BCORL1: variants seen among roughly 807,000 people sequenced by gnomAD.
The protein encoded by BCORL1 is BCL6 corepressor like 1.
BCORL1 carries 7 observed loss-of-function variants against 87.6 expected under a neutral mutation model. The ratio of observed to expected loss-of-function variants is 0.08; its 90% confidence interval spans 0.05 to 0.15. BCORL1 has a LOEUF of 0.15. Ranked by LOEUF, BCORL1 falls within the 10% of genes least tolerant of loss-of-function variation. The pLI is 1.00. For missense variants in BCORL1, 1,215 were observed against 1,499.7 expected, an observed-to-expected ratio of 0.81 and a Z score of 3.13; for synonymous variants, 591 against 634.4, an observed-to-expected ratio of 0.93 and a Z score of 1.03.
chrX:130,005,121 G>T, intron 1 of BCORL1, 67 bp from the exon 2 acceptor site: 2 of 605,360 alleles, frequency 3.3e-6, no homozygotes, highest in Non-Finnish European at 5.3e-6. Context: ...AAACATTGCT[G>T]TGTAAAAGGT....
At position 130,015,088 on chromosome X, in the gene BCORL1, G is replaced by A. The variant is rs963469317; in HGVS notation, c.2316G>A (p.Gln772=). 9 of 1,210,907 alleles carry A rather than the reference G, an allele frequency of 7.4e-6. No individual in the cohort carries two copies. The highest frequency in any genetic ancestry group is 8.9e-6 in the Non-Finnish European group (8 of 895,413). ...TGATCGKKGS[Q]AGAEGQPSTV... is the part of the protein sequence containing the mutation. The stretch of plus-strand genomic sequence containing the variant: ...CCACGTGTGGCAAAAAGGGCAGCCA[G>A]GCTGGTGCTGAGGGACAGCCAAGCA... The change falls in exon 4 of 14, where the codon CAG becomes CAA. Residue 772 remains glutamine, a synonymous_variant. Transcript: ENST00000540052.
At position 130,015,226 on chromosome X, in the gene BCORL1, A is replaced by G; in HGVS notation, c.2454A>G (p.Ser818=). 7 of 1,212,162 alleles carry G rather than the reference A, an allele frequency of 5.8e-6. No individual in the cohort carries two copies. Among genetic ancestry groups the G allele is most frequent in the Non-Finnish European group, 7.8e-6 (7 of 895,644 alleles). ...CGGCAAATATTTATCCCCGGTGTTC[A>G]GTCAATGGGAAACCTACCAGCACCC... is the stretch of plus-strand genomic sequence containing the variant. ...TGPANIYPRC[S]VNGKPTSTQV... The change falls in exon 4 of 14, where the codon TCA becomes TCG. Residue 818 remains serine (S), a synonymous_variant. Coordinates refer to ENST00000540052, the MANE Select transcript of BCORL1 (RefSeq NM_001379451.1).
intron 11 of BCORL1, among the ~76,000 whole-genome samples, chrX:130,040,679 A>G (rs1049046007): frequency 2.7e-5 from 3 of 112,471 alleles, no homozygotes; most frequent in East Asian, 2.8e-4. Flanking sequence ...GCCAGTGGTG[A>G]CTGTTGTTCC....
At position 130,043,784 on chromosome X, in the gene BCORL1, ATTTT is replaced by A. The variant is rs1163098654; in HGVS notation, c.4840+4520_4840+4523del. On this transcript the variant is annotated intron_variant, in intron 11 of 13. Coordinates refer to ENST00000540052, the MANE Select transcript of BCORL1 (RefSeq NM_001379451.1). ...TATATATATATATATATATATATATATTTTTTTTTTTTTTTTTTTTTGAGACGGA... is the reference window on the plus strand; with the variant it reads ...TATATATATATATATATATATATATATTTTTTTTTTTTTTTTTGAGACGGA... Among the ~76,000 whole-genome samples the A allele has an allele frequency of 3.4e-3, 54 of 15,952 alleles. 1 individual carries two copies. The highest frequency in any genetic ancestry group is 0.012 in the African/African-American group (26 of 2,108). The allele number at this position is 15,952 out of a possible 115,157, so 13.9% of individuals were successfully genotyped here.
At chrX:129,984,073 G>A (rs1203703922) in intron 1 of BCORL1, among the ~76,000 whole-genome samples, 10 of 95,342 alleles carry the variant, frequency 1.0e-4, no homozygotes, top group African/African-American at 3.8e-4. Context: ...AGGGCTTAGT[G>A]GTGGGCTTCG....
At chrX:130,023,111 C>G in intron 6 of BCORL1, 134 bp downstream of exon 6, 1 of 550,108 alleles carries the variant, frequency 1.8e-6, no homozygotes, top group South Asian at 2.8e-5. Context: ...ATGCCCAGCT[C>G]CTTGCAGAGA....
At chrX:129,987,593 C>G (rs1403980127) in intron 1 of BCORL1, among the ~76,000 whole-genome samples, 1 of 111,854 alleles carries the variant, frequency 8.9e-6, no homozygotes, top group Non-Finnish European at 1.9e-5. Context: ...CCAGTGTTTC[C>G]AGTCTGCAGG....
intron 13 of BCORL1, 73 bp downstream of exon 13, chrX:130,052,089 C>T (rs1377958373): frequency 8.7e-6 from 9 of 1,028,736 alleles, no homozygotes; most frequent in South Asian, 2.5e-5. Flanking sequence ...GAGTTCTCCA[C>T]GAGGAAGTGA....
chrX:130,013,728 C>T lies in BCORL1; in HGVS notation c.956C>T (p.Ala319Val), dbSNP rs1347215653. The T allele has an allele frequency of 1.7e-6, 2 of 1,201,418 alleles. No homozygotes were observed. The highest frequency in any genetic ancestry group is 2.2e-6 in the Non-Finnish European group (2 of 890,312). ...VSAPPLALIQ[A>V]PVPPSAPTLV... ...GCTCCTCCCTTGGCTCTCATCCAGG[C>T]TCCTGTGCCCCCTTCAGCTCCGACC... The change falls in exon 4 of 14, where the codon GCT becomes GTT. Residue 319 changes from alanine (A) to valine (V), a missense_variant. By Grantham distance (64) the Ala-to-Val change is moderately conservative. Around this residue, in one of 5 missense-constraint regions of BCORL1, gnomAD observed 861 missense variants for 1,010.0 expected, o/e 0.85. Coordinates refer to ENST00000540052, the MANE Select transcript of BCORL1 (RefSeq NM_001379451.1).
rs1238880793 is a variant in BCORL1 at position 129,989,293 on chromosome X, G to T, written c.-45+6531G>T. Among the ~76,000 whole-genome samples, 6 of 97,455 alleles carry T rather than the reference G, an allele frequency of 6.2e-5. No individual in the cohort carries two copies. In the East Asian group the frequency reaches 1.9e-3, roughly 31 times the overall value. The allele number at this position is 97,455 out of a possible 115,157, so 84.6% of individuals were successfully genotyped here. A position where few individuals can be genotyped will look rare whatever the true frequency, so the allele number is the denominator to read the frequency against. ...TGGGACTACAGGCGCCCGCCACCAT[G>T]CCCGGCTAATTTTTTTTTTTTTTTT... On this transcript the variant is annotated intron_variant, in intron 1 of 13. Transcript: ENST00000540052.
chrX:129,980,321 G>A (rs1349609801), upstream of BCORL1, among the ~76,000 whole-genome samples: 2 of 111,921 alleles, frequency 1.8e-5, no homozygotes. Flanking sequence ...CCCTCCTCCC[G>A]CTTCGCCCGC....
At chrX:130,036,300 A>G (rs1395849851) in intron 9 of BCORL1, among the ~76,000 whole-genome samples, 9 of 106,858 alleles carry the variant, frequency 8.4e-5, no homozygotes, top group Non-Finnish European at 1.7e-4. Flanking sequence ...TTGCTCTGTC[A>G]CCTAGGCTGG....
intron 8 of BCORL1, among the ~76,000 whole-genome samples, chrX:130,032,155 A>G (rs867940745): frequency 8.9e-6 from 1 of 112,255 alleles, no homozygotes; most frequent in East Asian, 2.8e-4. Flanking sequence ...AACAATAAGC[A>G]TATGTTATCT....
chrX:130,042,796 AC>A (rs1041277254), intron 11 of BCORL1, among the ~76,000 whole-genome samples: 19 of 109,455 alleles, frequency 1.7e-4, no homozygotes, highest in African/African-American at 5.7e-4. Flanking sequence ...ACATGGTGAA[AC>A]CCCCTCTCTA....
intron 2 of BCORL1, among the ~76,000 whole-genome samples, chrX:130,006,190 C>T (rs1167324897): frequency 6.3e-5 from 7 of 110,659 alleles, no homozygotes; most frequent in South Asian, 3.8e-4. Flanking sequence ...ACCTGCCTCA[C>T]GTGTGTATTT....
chrX:130,044,233 G>C (rs1217852378), intron 11 of BCORL1, among the ~76,000 whole-genome samples: 4 of 110,589 alleles, frequency 3.6e-5, no homozygotes, highest in Non-Finnish European at 5.7e-5. Flanking sequence ...TTGCTGTCTG[G>C]CTGAGGTATT....
chrX:130,001,678 G>A (rs2124387426), intron 1 of BCORL1, among the ~76,000 whole-genome samples: 1 of 110,087 alleles, frequency 9.1e-6, no homozygotes, highest in South Asian at 3.9e-4. Flanking sequence ...AAACTGGATG[G>A]TGTGTTTAGG....
At chrX:130,046,932 C>T (rs933905181) in intron 11 of BCORL1, among the ~76,000 whole-genome samples, 3 of 108,046 alleles carry the variant, frequency 2.8e-5, no homozygotes, top group Non-Finnish European at 5.8e-5. Flanking sequence ...GCCCCCCGCC[C>T]AACCACTAAT....
chrX:130,005,307 A>G lies in BCORL1; in HGVS notation c.76A>G (p.Asn26Asp). 8.3e-7 allele frequency: 1 copy of G among 1,211,381 alleles called. No homozygotes were observed. Among genetic ancestry groups the G allele is most frequent in the Non-Finnish European group, 1.1e-6 (1 of 895,087 alleles). The change falls in exon 2 of 14, where the codon AAC (asparagine) becomes GAC (aspartate). Residue 26 changes from asparagine (N) to aspartate (D), a missense_variant. Physicochemically the swap from Asn to Asp is conservative, Grantham distance 23 (BLOSUM62 1). Around this residue, in one of 5 missense-constraint regions of BCORL1, gnomAD observed 861 missense variants for 1,010.0 expected, o/e 0.85. Coordinates refer to ENST00000540052, the MANE Select transcript of BCORL1 (RefSeq NM_001379451.1). ...SSDRIRMCGINEERRAPLSDE... is the reference protein window; with the variant it reads ...SSDRIRMCGIDEERRAPLSDE... ...TGACCGGATTCGCATGTGTGGCATCAACGAGGAGAGGTGAGGAGGCCAGGA... is the reference window on the plus strand; with the variant it reads ...TGACCGGATTCGCATGTGTGGCATCGACGAGGAGAGGTGAGGAGGCCAGGA...
Sources: allele counts gnomAD v4.1 joint callset (sites outside exome capture counted in the v4.1 genomes callset), GRCh38; gene constraint gnomAD v4.1.1; regional missense constraint gnomAD v4.1.1; transcripts MANE v1.5; gene names NCBI Gene and HGNC (gene_info 2026-07-23, HGNC 2026-07-21).